The following SAMD5 variants were observed in gnomAD, a reference collection of about 807,000 sequenced individuals.
SAMD5 encodes sterile alpha motif domain containing 5.
A neutral mutation model predicts 11.3 loss-of-function variants in SAMD5; 13 were observed. That is an observed-to-expected ratio of 1.15 (90% CI 0.75 to 1.83). The LOEUF (loss-of-function observed/expected upper bound fraction) is 1.83, where lower values mean the gene tolerates loss of function less well. SAMD5 is among the 40% of genes most tolerant of loss of function. SAMD5 has a pLI of 0.00. For synonymous variants in SAMD5, 129 were observed against 111.3 expected (o/e 1.16, Z -1.00); for missense variants, 255 against 239.1 (o/e 1.07, Z -0.44).
In SAMD5 at chr6:147,569,462, A is replaced by G. The variant is rs1351250976; in HGVS notation, c.*5006A>G. Reference sequence around the variant, plus strand: ...CTTCTACTGGACCAAAAGGAAATAAATCTACAATAAATCTACTTTCTAAAT... The same window carrying G: ...CTTCTACTGGACCAAAAGGAAATAAGTCTACAATAAATCTACTTTCTAAAT... On this transcript the variant is annotated 3_prime_UTR_variant, in exon 2 of 2. Transcript: ENST00000367474. The G allele has an allele frequency of 2.2e-6, 2 of 919,876 alleles. No homozygotes were observed. The highest frequency in any genetic ancestry group is 2.6e-6 in the Non-Finnish European group (2 of 770,254). The allele number at this position is 919,876 out of a possible 1,614,324, so 57.0% of individuals were successfully genotyped here. A position where few individuals can be genotyped will look rare whatever the true frequency, so the allele number is the denominator to read the frequency against.
intron 1 of SAMD5, among the ~76,000 whole-genome samples, chr6:147,731,431 C>T (rs1305416621): frequency 5.3e-5 from 8 of 152,120 alleles, no homozygotes; most frequent in Admixed American, 5.2e-4. Flanking sequence ...GAGGAATGCT[C>T]ATGGGCTGCT....
chr6:147,634,946 A>C (rs1790205412), intron 1 of SAMD5, among the ~76,000 whole-genome samples: 2 of 152,208 alleles, frequency 1.3e-5, no homozygotes, highest in Non-Finnish European at 2.9e-5. Flanking sequence ...TAGTACACAG[A>C]GGACCTTTGC....
intron 1 of SAMD5, among the ~76,000 whole-genome samples, chr6:147,715,546 G>GAA (rs1791454078): frequency 2.6e-5 from 4 of 152,180 alleles, no homozygotes; most frequent in Non-Finnish European, 5.9e-5. Flanking sequence ...TTCCCCAAAG[G>GAA]GCTGCAGCTC....
chr6:147,807,626 C>T, the SAMD5 span, among the ~76,000 whole-genome samples: 1 of 152,172 alleles, frequency 6.6e-6, no homozygotes, highest in African/African-American at 2.4e-5. Flanking sequence ...GCCCCACCCT[C>T]ATACTAAACA....
At chr6:147,853,292 A>C in the SAMD5 span, among the ~76,000 whole-genome samples, 1 of 152,144 alleles carries the variant, frequency 6.6e-6, no homozygotes, top group East Asian at 1.9e-4. Flanking sequence ...TTCTCAAGGA[A>C]GGGAAGGGAA....
the SAMD5 span, among the ~76,000 whole-genome samples, chr6:147,754,818 G>A: frequency 1.3e-5 from 2 of 152,172 alleles, no homozygotes; most frequent in Admixed American, 1.3e-4. Context: ...TGATGAGACA[G>A]TCTTTTCCCT....
intron 1 of SAMD5, among the ~76,000 whole-genome samples, chr6:147,604,010 A>G (rs1583103091): frequency 6.6e-6 from 1 of 152,150 alleles, no homozygotes; most frequent in South Asian, 2.1e-4. Flanking sequence ...TTAATTTCCC[A>G]TAGTGGTTGG....
At chr6:147,687,463 G>T (rs907181994) in intron 1 of SAMD5, among the ~76,000 whole-genome samples, 2 of 151,650 alleles carry the variant, frequency 1.3e-5, no homozygotes, top group African/African-American at 2.4e-5. Context: ...TTTTTGAAGA[G>T]ATGGGATTTT....
At chr6:147,642,506 C>T (rs1790327670) in intron 1 of SAMD5, among the ~76,000 whole-genome samples, 1 of 152,166 alleles carries the variant, frequency 6.6e-6, no homozygotes, top group South Asian at 2.1e-4. Flanking sequence ...CTGAATTACC[C>T]TGCTCATGTT....
At chr6:147,675,846 G>A (rs1790855476) in intron 1 of SAMD5, among the ~76,000 whole-genome samples, 1 of 152,100 alleles carries the variant, frequency 6.6e-6, no homozygotes, top group Non-Finnish European at 1.5e-5. Context: ...GAAGTTCAAG[G>A]GTAATGAAAC....
chr6:147,842,927 T>A, the SAMD5 span, among the ~76,000 whole-genome samples: 1 of 152,320 alleles, frequency 6.6e-6, no homozygotes, highest in South Asian at 2.1e-4. Flanking sequence ...TGGCACGATC[T>A]TGACTCATTG....
chr6:147,568,725 A>G lies in SAMD5; in HGVS notation c.*4269A>G, dbSNP rs188171241. ...TTTAGAGTTTTCTAATTTTACTCTT[A>G]TTAGCTCCCTCAGTTGTCATCAATT... On this transcript the variant is annotated 3_prime_UTR_variant, in exon 2 of 2. Transcript: ENST00000367474. 1.0e-6 allele frequency: 1 copy of G among 983,310 alleles called. No homozygotes were observed. The allele number at this position is 983,310 out of a possible 1,614,324, so 60.9% of individuals were successfully genotyped here.
intron 1 of SAMD5, among the ~76,000 whole-genome samples, chr6:147,510,248 G>A (rs1355545461): frequency 3.3e-5 from 5 of 152,190 alleles, no homozygotes; most frequent in Non-Finnish European, 7.3e-5. Context: ...CCGAAATGTG[G>A]AGTGGGAGCT....
chr6:147,816,748 C>T, the SAMD5 span, among the ~76,000 whole-genome samples: 2 of 152,086 alleles, frequency 1.3e-5, no homozygotes, highest in South Asian at 4.2e-4. Context: ...AATAGGGATA[C>T]TGTTAGCCAT....
At chr6:147,881,105 C>CTAGTAGAATTGGGT in the SAMD5 span, among the ~76,000 whole-genome samples, 1 of 152,138 alleles carries the variant, frequency 6.6e-6, no homozygotes, top group Non-Finnish European at 1.5e-5. Flanking sequence ...ATGGATGACC[C>CTAGTAGAATTGGGT]AATTCTACTA....
chr6:147,519,831 A>G (rs932700330), intron 1 of SAMD5, among the ~76,000 whole-genome samples: 2 of 152,246 alleles, frequency 1.3e-5, no homozygotes, highest in Non-Finnish European at 2.9e-5. Flanking sequence ...AGCAATTAGC[A>G]TCGAGGCCAA....
chr6:147,863,581 TC>T, the SAMD5 span, among the ~76,000 whole-genome samples: 1 of 152,102 alleles, frequency 6.6e-6, no homozygotes, highest in Admixed American at 6.6e-5. Flanking sequence ...GGTAACATCT[TC>T]CCCGACCCCC....
the SAMD5 span, among the ~76,000 whole-genome samples, chr6:147,886,674 G>A: frequency 6.6e-6 from 1 of 152,118 alleles, no homozygotes; most frequent in Non-Finnish European, 1.5e-5. Flanking sequence ...GAAGCAAACG[G>A]CCATATTATG....
intron 1 of SAMD5, among the ~76,000 whole-genome samples, chr6:147,645,885 C>T (rs73787349): frequency 0.01 from 1,578 of 152,240 alleles, 27 homozygotes; most frequent in African/African-American, 0.036. Flanking sequence ...AATACATCCA[C>T]GGGCCGGAAC....
Sources: gnomAD v4.1 joint callset for allele counts (sites outside exome capture counted in the v4.1 genomes callset) on GRCh38, gnomAD v4.1.1 for gene constraint, MANE v1.5 for transcripts, NCBI Gene and HGNC (gene_info 2026-07-23, HGNC 2026-07-21) for gene names.